NCKAP5: variants seen among roughly 807,000 people sequenced by gnomAD.
NCKAP5 encodes the protein nck-associated protein 5.
Under a neutral mutation model 167.0 loss-of-function variants are expected in NCKAP5, and 92 were observed. That is an observed-to-expected ratio of 0.55 (90% CI 0.47 to 0.66). The LOEUF is 0.66. Among genes scored for constraint, NCKAP5 ranks in the 30% least tolerant of loss-of-function variants. The pLI is 0.00. For synonymous variants in NCKAP5, 891 were observed against 877.4 expected, an observed-to-expected ratio of 1.02 and a Z score of -0.27; for missense variants, 2,378 against 2,315.0, an observed-to-expected ratio of 1.03 and a Z score of -0.56.
chr2:132,995,354 T>C (rs2077563635), intron 6 of NCKAP5, among the ~76,000 whole-genome samples: 1 of 152,188 alleles, frequency 6.6e-6, no homozygotes, highest in Admixed American at 6.5e-5. Flanking sequence ...AAAATTGTTT[T>C]AAAAAACATT....
chr2:133,003,975 T>C (rs2077874571), intron 6 of NCKAP5, among the ~76,000 whole-genome samples: 4 of 152,188 alleles, frequency 2.6e-5, no homozygotes, highest in Admixed American at 1.3e-4. Context: ...AGATGGGCAC[T>C]CAGAGAAGTC....
At chr2:133,228,102 A>G (rs912551925) in intron 4 of NCKAP5, among the ~76,000 whole-genome samples, 4 of 152,098 alleles carry the variant, frequency 2.6e-5, no homozygotes, top group African/African-American at 9.7e-5. Flanking sequence ...TGAGGTACAC[A>G]CCCTGAAGTG....
intron 13 of NCKAP5, among the ~76,000 whole-genome samples, chr2:132,788,264 C>T (rs968640231): frequency 2.6e-5 from 4 of 152,116 alleles, no homozygotes; most frequent in Non-Finnish European, 5.9e-5. Context: ...GATGCTGTTG[C>T]TGAGGTGCAG....
At chr2:133,668,129 T>C in the NCKAP5 span, among the ~76,000 whole-genome samples, 1 of 151,986 alleles carries the variant, frequency 6.6e-6, no homozygotes, top group Admixed American at 6.5e-5. Context: ...TTTATATGGC[T>C]AGATAATATT....
chr2:133,266,589 G>T (rs1243530931), intron 4 of NCKAP5, among the ~76,000 whole-genome samples: 1 of 152,134 alleles, frequency 6.6e-6, no homozygotes. Context: ...ACTCCGCAGC[G>T]CCTTCACTTC....
chr2:133,408,671 T>C (rs566694155), intron 3 of NCKAP5, among the ~76,000 whole-genome samples: 70 of 152,366 alleles, frequency 4.6e-4, no homozygotes, highest in African/African-American at 1.6e-3. Context: ...GAAAAGTCTA[T>C]ACCACCTCCC....
In NCKAP5 at chr2:132,782,269, C is replaced by G; in HGVS notation, c.4542G>C (p.Lys1514Asn). The change falls in exon 14 of 20, where the codon AAG (lysine) becomes AAC (asparagine). Residue 1514 changes from lysine to asparagine, a missense_variant. Coordinates refer to ENST00000409261, the MANE Select transcript of NCKAP5 (RefSeq NM_207363.3). ...PSFASWFGFRKSRLPALSSRK... is the reference protein window; with the variant it reads ...PSFASWFGFRNSRLPALSSRK... ...TGCTACTCAGAGCTGGAAGTCTACT[C>G]TTCCGAAAACCAAACCAGCTGGCAA... 3 of 1,614,056 alleles carry G rather than the reference C, an allele frequency of 1.9e-6. No homozygotes were observed. The highest frequency in any genetic ancestry group is 2.5e-6 in the Non-Finnish European group (3 of 1,179,906).
At chr2:133,595,862 A>T in the NCKAP5 span, among the ~76,000 whole-genome samples, 4 of 152,124 alleles carry the variant, frequency 2.6e-5, no homozygotes, top group African/African-American at 9.7e-5. Context: ...GTTGTACATA[A>T]TTTTCATGTC....
intron 2 of NCKAP5, among the ~76,000 whole-genome samples, chr2:133,552,428 A>G (rs1032866675): frequency 3.4e-5 from 5 of 146,280 alleles, no homozygotes; most frequent in African/African-American, 1.0e-4. Flanking sequence ...AAAAATGATG[A>G]GTTCGTGTCC....
chr2:132,846,357 C>G (rs988184362), intron 11 of NCKAP5, among the ~76,000 whole-genome samples: 1 of 151,892 alleles, frequency 6.6e-6, no homozygotes, highest in African/African-American at 2.4e-5. Context: ...CTCACTCTGT[C>G]ACCTTGGCAT....
intron 6 of NCKAP5, among the ~76,000 whole-genome samples, chr2:133,029,099 A>G (rs926857293): frequency 6.6e-6 from 1 of 152,232 alleles, no homozygotes; most frequent in East Asian, 1.9e-4. Context: ...AGTCTATAGT[A>G]TTTCTTCATA....
rs773029199 is a variant in NCKAP5 at position 132,784,042 on chromosome 2, C to T, written c.2769G>A (p.Gly923=). 1.9e-6 allele frequency: 3 copies of T among 1,539,236 alleles called. No individual in the cohort carries two copies. The highest frequency in any genetic ancestry group is 1.4e-5 in the African/African-American group (1 of 72,208). Residue 923 remains glycine, a synonymous_variant, in exon 14 of 20, where the codon GGG becomes GGA. Transcript: ENST00000409261. ...DEHCGSGPEA[G]VKSPSPPPPP... Reference sequence around the variant, plus strand: ...GGGGCGGAGGGGAAGGGGATTTCACCCCTGCCTCCGGCCCAGAGCCACAGT... The same window carrying T: ...GGGGCGGAGGGGAAGGGGATTTCACTCCTGCCTCCGGCCCAGAGCCACAGT...
At chr2:133,546,872 G>T (rs1686731979) in intron 2 of NCKAP5, among the ~76,000 whole-genome samples, 2 of 152,214 alleles carry the variant, frequency 1.3e-5, no homozygotes, top group Admixed American at 1.3e-4. Flanking sequence ...GAAAGGGGAG[G>T]AGCCAAGATG....
rs1488053823 is a variant in NCKAP5, at chr2:133,239,982, C to A, written c.144-26203G>T. Among the ~76,000 whole-genome samples the A allele has an allele frequency of 2.6e-5, 4 of 151,872 alleles. No individual in the cohort carries two copies. In the East Asian group the frequency reaches 5.8e-4, roughly 22 times the overall value. ...TGGCCTTATTTTTTTTTCAAATAAC[C>A]CTTACCAAAACTGAAATCATATTTT... On this transcript the variant is annotated intron_variant, in intron 4 of 19. Coordinates refer to ENST00000409261, the MANE Select transcript of NCKAP5 (RefSeq NM_207363.3).
chr2:133,266,940 A>C (rs1006462852), intron 4 of NCKAP5, among the ~76,000 whole-genome samples: 40 of 127,736 alleles, frequency 3.1e-4, no homozygotes, highest in Admixed American at 3.7e-4. Context: ...CCCCCTACCC[A>C]CTCCCCCTCC....
the NCKAP5 span, among the ~76,000 whole-genome samples, chr2:133,592,031 C>G: frequency 6.7e-6 from 1 of 148,194 alleles, no homozygotes; most frequent in Non-Finnish European, 1.5e-5. Flanking sequence ...CACGTTTATT[C>G]TTTTTAAAAA....
At chr2:133,297,196 T>TGC (rs1427180331) in intron 4 of NCKAP5, among the ~76,000 whole-genome samples, 1 of 151,072 alleles carries the variant, frequency 6.6e-6, no homozygotes, top group Non-Finnish European at 1.5e-5. Flanking sequence ...TGTGTGTGTG[T>TGC]GTGTGTGTGT....
intron 6 of NCKAP5, among the ~76,000 whole-genome samples, chr2:133,090,212 T>TAAAAAAAAAAA (rs56131091): frequency 7.4e-6 from 1 of 135,646 alleles, no homozygotes. Context: ...ACAAGAAAAT[T>TAAAAAAAAAAA]AAAAAAAAAA....
At chr2:133,143,563 G>C (rs1273709528) in intron 5 of NCKAP5, among the ~76,000 whole-genome samples, 1 of 152,104 alleles carries the variant, frequency 6.6e-6, no homozygotes, top group Admixed American at 6.6e-5. Context: ...CCCTACTGAT[G>C]ATACGTAAGA....
Sources: allele counts gnomAD v4.1 joint callset (sites outside exome capture counted in the v4.1 genomes callset), GRCh38; gene constraint gnomAD v4.1.1; transcripts MANE v1.5; gene names NCBI Gene and HGNC (gene_info 2026-07-23, HGNC 2026-07-21).